The following PCDHGA6 variants were observed in gnomAD, a reference collection of about 807,000 sequenced individuals.
PCDHGA6 encodes protocadherin gamma-A6.
Under a neutral mutation model 60.6 loss-of-function variants are expected in PCDHGA6, and 41 were observed. The ratio of observed to expected loss-of-function variants is 0.68; its 90% confidence interval spans 0.53 to 0.88. PCDHGA6 has a LOEUF of 0.88. Among genes scored for constraint, PCDHGA6 ranks in the 40% least tolerant of loss-of-function variants. The pLI, the probability that PCDHGA6 is intolerant of heterozygous loss-of-function variation, is 0.00. For missense variants in PCDHGA6, 1,312 were observed against 1,203.0 expected, an observed-to-expected ratio of 1.09 and a Z score of -1.34; for synonymous variants, 594 against 524.4, an observed-to-expected ratio of 1.13 and a Z score of -1.81.
At chr5:141,400,302 T>A (rs7701363) in intron 1 of PCDHGA6, 1 of 1,614,082 alleles carries the variant, frequency 6.2e-7, no homozygotes, top group African/African-American at 1.3e-5. Context: ...GCTTCCAACC[T>A]GGTCTCTGTG....
chr5:141,492,220 C>T (rs1388948434), intron 1 of PCDHGA6, among the ~76,000 whole-genome samples: 2 of 152,190 alleles, frequency 1.3e-5, no homozygotes, highest in Non-Finnish European at 1.5e-5. Context: ...GGGGCTCATG[C>T]GTGTCCTCCC....
At chr5:141,443,538 G>A (rs768723399) in intron 1 of PCDHGA6, among the ~76,000 whole-genome samples, 2 of 152,118 alleles carry the variant, frequency 1.3e-5, no homozygotes, top group African/African-American at 4.8e-5. Flanking sequence ...TTTAAAGCTT[G>A]GGAAATTGTT....
At chr5:141,424,120 C>A in intron 1 of PCDHGA6, 2 of 650,838 alleles carry the variant, frequency 3.1e-6, no homozygotes, top group Non-Finnish European at 3.9e-6. Context: ...AAATTTTGAT[C>A]CTGTTGATTT....
At chr5:141,388,439 A>G (rs1209677690) in intron 1 of PCDHGA6, 10 of 1,613,896 alleles carry the variant, frequency 6.2e-6, no homozygotes, top group Non-Finnish European at 8.5e-6. Context: ...ATAAAGAGAA[A>G]TCAGATGGCA....
chr5:141,379,614 A>G (rs947547089), intron 1 of PCDHGA6: 1 of 152,204 alleles, frequency 6.6e-6, no homozygotes, highest in African/African-American at 2.4e-5. Context: ...TTTCATTTAA[A>G]CAAATAAAAT....
At chr5:141,409,424 G>A in intron 1 of PCDHGA6, 1 of 1,613,998 alleles carries the variant, frequency 6.2e-7, no homozygotes, top group Non-Finnish European at 8.5e-7. Context: ...GGTGACAGAT[G>A]GAGCCCTGGA....
intron 1 of PCDHGA6, among the ~76,000 whole-genome samples, chr5:141,454,626 G>A (rs1206050863): frequency 6.6e-6 from 1 of 151,304 alleles, no homozygotes; most frequent in African/African-American, 2.4e-5. Flanking sequence ...GGCTGGTCTC[G>A]AACCCCCAAC....
rs756464724 is a variant in PCDHGA6, at chr5:141,478,476, A to T, written c.2425-16331A>T. The T allele has an allele frequency of 5.0e-6, 8 of 1,613,838 alleles. 1 individual carries two copies. The South Asian group carries it at 7.7e-5, about 16-fold the overall frequency. The stretch of plus-strand genomic sequence containing the variant: ...GCCAGTCCACTGGCCAGCCGCCAGA[A>T]CACGCTGCGGAGCTGTGATCCGGTG... On this transcript the variant is annotated intron_variant, in intron 1 of 3. Transcript: ENST00000517434.
Position 141,431,920 on chromosome 5 carries a change from A to C in PCDHGA6, c.2424+55413A>C. On this transcript the variant is annotated intron_variant, in intron 1 of 3. Transcript: ENST00000517434. The surrounding 1 kb of genome is among the most constrained non-coding windows in gnomAD (Gnocchi z 4.8). ...ACGGACAGGTGATCTGTTTCATCCA[A>C]GGAAATCTGCCCTTTAAATTAGAAA... 1 of 1,614,164 alleles carries C rather than the reference A, an allele frequency of 6.2e-7. No individual in the cohort carries two copies. Among genetic ancestry groups the C allele is most frequent in the Non-Finnish European group, 8.5e-7 (1 of 1,179,976 alleles).
Position 141,487,830 on chromosome 5 carries a change from T to C in PCDHGA6, c.2425-6977T>C, listed in dbSNP as rs1410090651. On this transcript the variant is annotated intron_variant, in intron 1 of 3. Transcript: ENST00000517434. This position sits in a 1 kb window ranked among gnomAD's most constrained non-coding sequence, Gnocchi z 5.0. ...TTTAGCATTGGGGGCGGGTCATGCC[T>C]ATATCTGAGTAAGAAATGAAAGTAA... The C allele has an allele frequency of 3.5e-6, 4 of 1,139,942 alleles. No homozygotes were observed. The highest frequency in any genetic ancestry group is 1.6e-5 in the African/African-American group (1 of 63,734). The allele number at this position is 1,139,942 out of a possible 1,614,324, so 70.6% of individuals were successfully genotyped here.
intron 2 of PCDHGA6, among the ~76,000 whole-genome samples, chr5:141,498,889 C>T (rs1415870992): frequency 3.4e-5 from 5 of 146,174 alleles, no homozygotes; most frequent in African/African-American, 1.3e-4. Flanking sequence ...GCTGAGATCA[C>T]ACCACTGCAC....
At chr5:141,482,513 A>C (rs552094845) in intron 1 of PCDHGA6, among the ~76,000 whole-genome samples, 1 of 143,798 alleles carries the variant, frequency 7.0e-6, no homozygotes, top group East Asian at 2.1e-4. Flanking sequence ...CCCAGAGTAC[A>C]GTATGAGACA....
chr5:141,472,980 C>CAAAAAAAAAAAAAAAAAGAAAAAAAA (rs2099309731), intron 1 of PCDHGA6, among the ~76,000 whole-genome samples: 1 of 86,100 alleles, frequency 1.2e-5, no homozygotes, highest in African/African-American at 3.9e-5. Flanking sequence ...GAGTGAAACT[C>CAAAAAAAAAAAAAAAAAGAAAAAAAA]AAAAAAAAAA....
intron 1 of PCDHGA6, chr5:141,419,043 ATTC>A (rs560207463): frequency 6.2e-5 from 100 of 1,613,840 alleles, no homozygotes; most frequent in Non-Finnish European, 8.1e-5. Context: ...TTTAAGATTC[ATTC>A]TTCTTCTAAT....
chr5:141,444,281 C>T (rs1256106299), intron 1 of PCDHGA6, among the ~76,000 whole-genome samples: 1 of 146,976 alleles, frequency 6.8e-6, no homozygotes, highest in African/African-American at 2.5e-5. Context: ...AAGTGATTCT[C>T]CTGCCTCAGC....
At chr5:141,417,955 G>C in intron 1 of PCDHGA6, 2 of 1,613,634 alleles carry the variant, frequency 1.2e-6, no homozygotes, top group Middle Eastern at 1.7e-4. Flanking sequence ...TGTGTGAGCC[G>C]ATCCGCTACT....
At chr5:141,398,908 G>C (rs2093725359) in intron 1 of PCDHGA6, 1 of 1,613,860 alleles carries the variant, frequency 6.2e-7, no homozygotes, top group South Asian at 1.1e-5. Flanking sequence ...AGGCACCACT[G>C]TGTTGCAAGT....
intron 1 of PCDHGA6, among the ~76,000 whole-genome samples, chr5:141,480,730 G>T (rs1261461187): frequency 6.6e-6 from 1 of 152,168 alleles, no homozygotes; most frequent in Non-Finnish European, 1.5e-5. Flanking sequence ...GTCTCTGGGG[G>T]TGGGACATAG....
Position 141,414,535 on chromosome 5 carries a change from C to T in PCDHGA6, c.2424+38028C>T, listed in dbSNP as rs2095756820. The T allele has an allele frequency of 6.2e-7, 1 of 1,613,962 alleles. No individual in the cohort carries two copies. On this transcript the variant is annotated intron_variant, in intron 1 of 3. Coordinates refer to ENST00000517434, the MANE Select transcript of PCDHGA6 (RefSeq NM_018919.3). The stretch of plus-strand genomic sequence containing the variant: ...AGTGGCAGATATCAATGACAACCCA[C>T]CTACCTTCTCTCAAGTCTCCTACTT...
Sources: allele counts gnomAD v4.1 joint callset (sites outside exome capture counted in the v4.1 genomes callset), GRCh38; gene constraint gnomAD v4.1.1; non-coding constraint Gnocchi (gnomAD v3.1); transcripts MANE v1.5; gene names NCBI Gene and HGNC (gene_info 2026-07-23, HGNC 2026-07-21).